The following EIF4G3 variants were observed in gnomAD, a reference collection of about 807,000 sequenced individuals.
EIF4G3 encodes eIF-4-gamma 3.
A neutral mutation model predicts 186.4 loss-of-function variants in EIF4G3; 34 were observed. The observed-to-expected ratio is 0.18, with a 90% CI of 0.14 to 0.24. EIF4G3 has a LOEUF of 0.24. Among genes scored for constraint, EIF4G3 ranks in the 10% least tolerant of loss-of-function variants. The pLI is 1.00. For missense variants in EIF4G3, 1,536 were observed against 1,948.5 expected (o/e 0.79, Z 3.99); for synonymous variants, 673 against 679.5 (o/e 0.99, Z 0.15).
intron 11 of EIF4G3, among the ~76,000 whole-genome samples, chr1:20,971,500 A>G (rs1302496020): frequency 6.6e-6 from 1 of 152,234 alleles, no homozygotes; most frequent in African/African-American, 2.4e-5. Context: ...ATGCTGATTC[A>G]ACATTACCAA....
At position 20,941,592 on chromosome 1, in the gene EIF4G3, T is replaced by A; in HGVS notation, c.1562A>T (p.Asp521Val). 3 of 1,614,222 alleles carry A rather than the reference T, an allele frequency of 1.9e-6. No individual in the cohort carries two copies. The highest frequency in any genetic ancestry group is 2.2e-5 in the East Asian group (1 of 44,890). ...TATTTTGTTCTGAATCTCTTTTGCA[T>A]CTTCACTAAGGCAAGTTCTTATGCT... Reference protein sequence around the residue: ...DESIRTCLSEDAKEIQNKIEV... With the variant: ...DESIRTCLSEVAKEIQNKIEV... Residue 521 changes from aspartate (D) to valine (V), a missense_variant, in exon 14 of 37, where the codon GAT becomes GTT. Asp to Val is a radical substitution (Grantham distance 152). Transcript: ENST00000602326.
Position 21,083,529 on chromosome 1 carries a change from G to T in EIF4G3, c.-196+5609C>A, listed in dbSNP as rs1164513593. ...AATAGAGACAGGGTTTCACCATGTTGCCCAGACTGGTTTCAAACTCCTGAG... is the reference window on the plus strand; with the variant it reads ...AATAGAGACAGGGTTTCACCATGTTTCCCAGACTGGTTTCAAACTCCTGAG... On this transcript the variant is annotated intron_variant, in intron 3 of 36. Coordinates refer to ENST00000602326, the MANE Select transcript of EIF4G3 (RefSeq NM_001391906.1). Among the ~76,000 whole-genome samples, 5 of 147,512 alleles carry T rather than the reference G, an allele frequency of 3.4e-5. No individual in the cohort carries two copies. In the Admixed American group the frequency reaches 3.4e-4, roughly 10 times the overall value.
chr1:21,080,253 C>T (rs1197034872), intron 3 of EIF4G3, among the ~76,000 whole-genome samples: 1 of 149,136 alleles, frequency 6.7e-6, no homozygotes, highest in Non-Finnish European at 1.5e-5. Flanking sequence ...GAGTTTAAGG[C>T]TGCAGTGAGA....
chr1:20,877,959 TC>T (rs1182206285), intron 20 of EIF4G3, among the ~76,000 whole-genome samples: 1 of 152,200 alleles, frequency 6.6e-6, no homozygotes, highest in Non-Finnish European at 1.5e-5. Flanking sequence ...TTCTCCTGCC[TC>T]AGCCTCTCAA....
chr1:21,174,275 T>C (rs2098054591), intron 2 of EIF4G3, among the ~76,000 whole-genome samples: 1 of 152,226 alleles, frequency 6.6e-6, no homozygotes. Flanking sequence ...TCAGCTTTTG[T>C]AACTACTTGA....
At chr1:20,864,993 T>C (rs188750346) in intron 21 of EIF4G3, 123 bp downstream of exon 21, 2 of 1,108,856 alleles carry the variant, frequency 1.8e-6, no homozygotes, top group East Asian at 2.4e-5. Context: ...TGTTTCTACA[T>C]GGAAAAAAAA....
At chr1:20,878,535 C>T (rs919150072) in intron 20 of EIF4G3, among the ~76,000 whole-genome samples, 5 of 152,102 alleles carry the variant, frequency 3.3e-5, no homozygotes, top group African/African-American at 4.8e-5. Context: ...ACTTACCTAC[C>T]TTTGACATAG....
At chr1:21,095,825 G>A (rs936837257) in intron 2 of EIF4G3, among the ~76,000 whole-genome samples, 4 of 151,564 alleles carry the variant, frequency 2.6e-5, no homozygotes, top group African/African-American at 4.8e-5. Context: ...TATTGCCAGA[G>A]ACTATGCAAC....
chr1:21,037,447 C>T (rs752999414), intron 4 of EIF4G3, among the ~76,000 whole-genome samples: 1 of 152,016 alleles, frequency 6.6e-6, no homozygotes, highest in African/African-American at 2.4e-5. Flanking sequence ...TAAATCTAGG[C>T]GTATCTGATT....
chr1:20,810,706 G>A lies in EIF4G3; in HGVS notation c.4744+32C>T. On this transcript the variant is annotated intron_variant, in intron 36 of 36. Coordinates refer to ENST00000602326, the MANE Select transcript of EIF4G3 (RefSeq NM_001391906.1). This position sits in a 1 kb window ranked among gnomAD's most constrained non-coding sequence, Gnocchi z 4.1. Reference sequence around the variant, plus strand: ...TGGCTTGGATAAATCTCACTCATTGGTTAGATTAACTGTAACATGAGATAA... The same window carrying A: ...TGGCTTGGATAAATCTCACTCATTGATTAGATTAACTGTAACATGAGATAA... The A allele has an allele frequency of 6.2e-7, 1 of 1,605,036 alleles. No homozygotes were observed. Among genetic ancestry groups the A allele is most frequent in the Non-Finnish European group, 8.5e-7 (1 of 1,172,322 alleles).
At chr1:20,852,754 CACAAGTGAT>C (rs2073745361) in intron 27 of EIF4G3, among the ~76,000 whole-genome samples, 1 of 152,128 alleles carries the variant, frequency 6.6e-6, no homozygotes, top group Admixed American at 6.6e-5. Flanking sequence ...GGCAAAGCGC[CACAAGTGAT>C]ACTCAATGAC....
intron 4 of EIF4G3, among the ~76,000 whole-genome samples, chr1:21,024,275 G>A (rs1371034225): frequency 1.3e-5 from 2 of 150,352 alleles, no homozygotes; most frequent in African/African-American, 4.9e-5. Flanking sequence ...GGGCGCCTCT[G>A]CCCGGCCGCC....
At chr1:20,908,594 G>T (rs1027091985) in intron 14 of EIF4G3, among the ~76,000 whole-genome samples, 4 of 152,154 alleles carry the variant, frequency 2.6e-5, no homozygotes, top group East Asian at 1.9e-4. Flanking sequence ...CATTTTTCTG[G>T]TATCTGTAGG....
intron 3 of EIF4G3, among the ~76,000 whole-genome samples, chr1:21,052,091 T>C (rs1042205886): frequency 5.9e-5 from 9 of 152,204 alleles, no homozygotes; most frequent in Non-Finnish European, 1.3e-4. Flanking sequence ...TCTAATATAA[T>C]ACAATAATCA....
At chr1:20,816,844 G>C (rs1159810451) in intron 34 of EIF4G3, among the ~76,000 whole-genome samples, 1 of 98,690 alleles carries the variant, frequency 1.0e-5, no homozygotes, top group African/African-American at 3.5e-5. Context: ...GATGGTTGCC[G>C]GGTCTGTGTA....
chr1:20,992,449 T>C (rs997320102), intron 7 of EIF4G3, among the ~76,000 whole-genome samples: 2 of 152,178 alleles, frequency 1.3e-5, no homozygotes, highest in Non-Finnish European at 2.9e-5. Context: ...AAGTTTCTTT[T>C]TCACAAAAAG....
chr1:20,919,368 C>T (rs2094270830), intron 14 of EIF4G3, among the ~76,000 whole-genome samples: 1 of 152,246 alleles, frequency 6.6e-6, no homozygotes, highest in African/African-American at 2.4e-5. Flanking sequence ...GCCACCACAC[C>T]TGGCTAATTT....
At chr1:21,068,375 T>TAAAAAAAAAAAAAAAAAAAAA (rs869306512) in intron 3 of EIF4G3, among the ~76,000 whole-genome samples, 33 of 67,826 alleles carry the variant, frequency 4.9e-4, no homozygotes, top group East Asian at 8.2e-4. Context: ...ACTCTGTCTT[T>TAAAAAAAAAAAAAAAAAAAAA]AAAAAAAAAA....
chr1:20,952,344 C>A (rs2096257053), intron 12 of EIF4G3, among the ~76,000 whole-genome samples: 1 of 151,918 alleles, frequency 6.6e-6, no homozygotes, highest in African/African-American at 2.4e-5. Context: ...TTAGTAGAGA[C>A]AGGGTTTCAC....
Sources: gnomAD v4.1 joint callset for allele counts (sites outside exome capture counted in the v4.1 genomes callset) on GRCh38, gnomAD v4.1.1 for gene constraint, Gnocchi (gnomAD v3.1) non-coding constraint, MANE v1.5 for transcripts, NCBI Gene and HGNC (gene_info 2026-07-23, HGNC 2026-07-21) for gene names.